Variants in HK1 observed in about 807,000 individuals in gnomAD.
HK1 encodes hexokinase 1.
Under a neutral mutation model 91.6 loss-of-function variants are expected in HK1, and 28 were observed. The observed-to-expected ratio is 0.31, with a 90% CI of 0.23 to 0.42. The LOEUF (loss-of-function observed/expected upper bound fraction) is 0.42. HK1 is among the 10% of genes least tolerant of loss of function. The probability of loss-of-function intolerance (pLI) is 1.00; values close to 1 mark genes in which losing one functional copy is unlikely to be tolerated. For missense variants in HK1, 770 were observed against 1,219.8 expected (o/e 0.63, Z 5.49); for synonymous variants, 430 against 468.1 (o/e 0.92, Z 1.05).
rs773937180 is a variant in HK1 at position 69,380,406 on chromosome 10, C to T, written c.1265+311C>T. Among the ~76,000 whole-genome samples, 11 of 152,160 alleles carry T rather than the reference C, an allele frequency of 7.2e-5. No individual in the cohort carries two copies. The highest frequency in any genetic ancestry group is 1.3e-4 in the Non-Finnish European group (9 of 68,032). Reference sequence around the variant, plus strand: ...CCCCTTGGGAAGTATCGCCCTTAGTCGATTCTTGCTGGTATTGCTTCTGCA... The same window carrying T: ...CCCCTTGGGAAGTATCGCCCTTAGTTGATTCTTGCTGGTATTGCTTCTGCA... On this transcript the variant is annotated intron_variant, in intron 9 of 17. Coordinates refer to ENST00000359426, the MANE Select transcript of HK1 (RefSeq NM_000188.3). The surrounding 1 kb of genome is among the most constrained non-coding windows in gnomAD (Gnocchi z 4.0).
At chr10:69,372,172 GA>G (rs773961221) in intron 7 of HK1, among the ~76,000 whole-genome samples, 16 of 152,306 alleles carry the variant, frequency 1.1e-4, no homozygotes, top group African/African-American at 1.7e-4. Context: ...AATTGCGTGG[GA>G]AAGACTTGCT....
upstream of HK1, among the ~76,000 whole-genome samples, chr10:69,317,038 G>A (rs1846682373): frequency 6.6e-6 from 1 of 152,172 alleles, no homozygotes; most frequent in Non-Finnish European, 1.5e-5. Context: ...TCCAGGTTTT[G>A]TTGGGCTTGA....
At chr10:69,307,126 T>A (rs1474167867) in intron 5 of HK1, among the ~76,000 whole-genome samples, 4 of 152,164 alleles carry the variant, frequency 2.6e-5, no homozygotes, top group Non-Finnish European at 1.5e-5. Flanking sequence ...GCTGGAAATA[T>A]AATCACGAAC....
At chr10:69,338,110 C>T (rs1357697241) in intron 1 of HK1, 6 of 311,586 alleles carry the variant, frequency 1.9e-5, no homozygotes, top group East Asian at 1.1e-4. Context: ...TCCTGCTCTG[C>T]GGGGGTCCAA....
chr10:69,378,968 A>G (rs1480485596), intron 8 of HK1, among the ~76,000 whole-genome samples: 1 of 152,054 alleles, frequency 6.6e-6, no homozygotes, highest in African/African-American at 2.4e-5. Context: ...ACAGAGTTAA[A>G]ACTTGGGACT....
intron 2 of HK1, among the ~76,000 whole-genome samples, chr10:69,347,263 G>A (rs145183343): frequency 0.14 from 21,236 of 151,372 alleles, 1,664 homozygotes; most frequent in South Asian, 0.25. Flanking sequence ...CACCCGCCTC[G>A]GCCTCCCAAA....
intron 1 of HK1, among the ~76,000 whole-genome samples, chr10:69,341,082 T>C (rs1848267088): frequency 6.6e-6 from 1 of 152,150 alleles, no homozygotes; most frequent in African/African-American, 2.4e-5. Context: ...CCAGCCAGAA[T>C]AGGGCATGGC....
At chr10:69,340,786 C>T (rs1023750046) in intron 1 of HK1, among the ~76,000 whole-genome samples, 2 of 152,152 alleles carry the variant, frequency 1.3e-5, no homozygotes, top group Non-Finnish European at 2.9e-5. Flanking sequence ...TCAGTAAAGC[C>T]GTCCCAAGGC....
chr10:69,286,602 G>A (rs1019173444), intron 2 of HK1, among the ~76,000 whole-genome samples: 7 of 151,324 alleles, frequency 4.6e-5, no homozygotes, highest in Non-Finnish European at 8.8e-5. Context: ...TGGCTGGAGT[G>A]CAATGGTGCA....
chr10:69,338,676 TGTG>T (rs1564523466), intron 1 of HK1: 24 of 1,178,514 alleles, frequency 2.0e-5, no homozygotes, highest in Non-Finnish European at 2.5e-5. Flanking sequence ...ATTATGGAGA[TGTG>T]AGTGTGTGTG....
Position 69,332,242 on chromosome 10 carries a change from G to A in HK1, c.64-11585G>A, listed in dbSNP as rs996240517. Among the ~76,000 whole-genome samples, 6 of 152,212 alleles carry A rather than the reference G, an allele frequency of 3.9e-5. No homozygotes were observed. In the East Asian group the frequency reaches 7.7e-4, roughly 20 times the overall value. ...GCAGTGGGTTTCTGGGCATCCTTGG[G>A]CCTCAGTTTCCTCATGTGTAAGCCA... On this transcript the variant is annotated intron_variant, in intron 1 of 17. Coordinates refer to ENST00000359426, the MANE Select transcript of HK1 (RefSeq NM_000188.3).
intron 1 of HK1, among the ~76,000 whole-genome samples, chr10:69,271,854 G>A (rs963337454): frequency 2.0e-5 from 3 of 151,296 alleles, no homozygotes; most frequent in African/African-American, 7.3e-5. Context: ...GAATATATCT[G>A]TGATTTCTCT....
chr10:69,289,829 C>T (rs1179497693), intron 3 of HK1, among the ~76,000 whole-genome samples: 1 of 149,586 alleles, frequency 6.7e-6, no homozygotes, highest in African/African-American at 2.5e-5. Context: ...CTATGCTTCC[C>T]AGGCTGGTGT....
rs372952515 is a variant in HK1 at position 69,344,101 on chromosome 10, A to T, written c.226+112A>T. The stretch of plus-strand genomic sequence containing the variant: ...CATTCATTCATTCACCATTCCATCA[A>T]TCTGCTCTCCCATCCATCCATCCAT... On this transcript the variant is annotated intron_variant, in intron 2 of 17. Coordinates refer to ENST00000359426, the MANE Select transcript of HK1 (RefSeq NM_000188.3). 56 of 1,101,224 alleles carry T rather than the reference A, an allele frequency of 5.1e-5. No homozygotes were observed. In the African/African-American group the frequency reaches 6.5e-4, roughly 13 times the overall value. 68.2% of individuals were successfully genotyped at this position (1,101,224 alleles called of 1,614,324 possible).
intron 3 of HK1, among the ~76,000 whole-genome samples, chr10:69,289,561 T>C (rs1845195955): frequency 7.0e-6 from 1 of 143,550 alleles, no homozygotes; most frequent in African/African-American, 2.6e-5. Flanking sequence ...AACCTCTGCC[T>C]CCTGGGTTAA....
chr10:69,358,633 G>A (rs1191398787), intron 2 of HK1, among the ~76,000 whole-genome samples: 3 of 152,106 alleles, frequency 2.0e-5, no homozygotes, highest in African/African-American at 4.8e-5. Context: ...AGGCCAAAGC[G>A]GGTAGATCAC....
At chr10:69,339,104 T>C (rs1848166070) in intron 1 of HK1, among the ~76,000 whole-genome samples, 1 of 152,162 alleles carries the variant, frequency 6.6e-6, no homozygotes, top group South Asian at 2.1e-4. Context: ...TTTTGCTCAG[T>C]GAAGTGCTGG....
chr10:69,378,669 T>C (rs7077298), intron 8 of HK1, among the ~76,000 whole-genome samples: 42,837 of 151,792 alleles, frequency 0.28, 6,790 homozygotes, highest in African/African-American at 0.44. Flanking sequence ...ACCCTCCCAC[T>C]TTGGCCTCCC....
At chr10:69,367,056 A>C (rs1384186206) in intron 4 of HK1, among the ~76,000 whole-genome samples, 1 of 152,226 alleles carries the variant, frequency 6.6e-6, no homozygotes, top group Non-Finnish European at 1.5e-5. Flanking sequence ...ATGAAGGTGC[A>C]GCCTTCTATG....
Sources: allele counts gnomAD v4.1 joint callset (sites outside exome capture counted in the v4.1 genomes callset), GRCh38; gene constraint gnomAD v4.1.1; non-coding constraint Gnocchi (gnomAD v3.1); transcripts MANE v1.5; gene names NCBI Gene and HGNC (gene_info 2026-07-23, HGNC 2026-07-21).